Variants in PRMT8 observed in about 807,000 individuals in gnomAD.
The protein encoded by PRMT8 is protein arginine methyltransferase 8, also known as protein arginine N-methyltransferase 8.
In PRMT8, 7 loss-of-function variants were observed where a neutral mutation model predicts 47.1. The observed-to-expected ratio is 0.15, with a 90% CI of 0.08 to 0.28. The LOEUF is 0.28. PRMT8 is among the 10% of genes least tolerant of loss of function. The pLI, the probability that PRMT8 is intolerant of heterozygous loss-of-function variation, is 1.00. For missense variants in PRMT8, 237 were observed against 505.4 expected (o/e 0.47, Z 5.09); for synonymous variants, 188 against 186.5 (o/e 1.01, Z -0.07).
intron 1 of PRMT8, among the ~76,000 whole-genome samples, chr12:3,433,638 G>T (rs1452497020): frequency 6.6e-6 from 1 of 151,878 alleles, no homozygotes; most frequent in African/African-American, 2.4e-5. Flanking sequence ...TTTAGATGAA[G>T]TCTCGCTCTG....
rs141309913 is a variant in PRMT8, at chr12:3,544,695, G to A, written c.261+3904G>A. On this transcript the variant is annotated intron_variant, in intron 2 of 9. Coordinates refer to ENST00000382622, the MANE Select transcript of PRMT8 (RefSeq NM_019854.5). Reference sequence around the variant, plus strand: ...ATGAGGCGGTTCTGGCCCTTGTTCCGGCAGGATGTCGTCATGGTGTTCCTT... The same window carrying A: ...ATGAGGCGGTTCTGGCCCTTGTTCCAGCAGGATGTCGTCATGGTGTTCCTT... 5.1e-4 allele frequency among the ~76,000 whole-genome samples: 78 copies of A among 152,260 alleles called. 1 individual carries two copies. Among genetic ancestry groups the A allele is most frequent in the African/African-American group, 1.5e-3 (63 of 41,544 alleles).
intron 2 of PRMT8, among the ~76,000 whole-genome samples, chr12:3,544,755 T>G (rs1255394672): frequency 6.6e-6 from 1 of 152,216 alleles, no homozygotes; most frequent in African/African-American, 2.4e-5. Flanking sequence ...CATACGGATG[T>G]TTCTTTAGTT....
chr12:3,490,114 C>G (rs1438241151), upstream of PRMT8, among the ~76,000 whole-genome samples: 1 of 152,126 alleles, frequency 6.6e-6, no homozygotes, highest in Non-Finnish European at 1.5e-5. Context: ...GGAGGGACCT[C>G]CCCAAACAAG....
rs547964806 is a variant in PRMT8, at chr12:3,496,198, T to C, written c.75+4498T>C. On this transcript the variant is annotated intron_variant, in intron 1 of 9. Transcript: ENST00000382622. ...TTTAGCAAAGAGTCACTTTGGAAAC[T>C]GATATATATATATATATTTTTTTTT... Among the ~76,000 whole-genome samples, 67 of 50,498 alleles carry C rather than the reference T, an allele frequency of 1.3e-3. 1 individual carries two copies. The highest frequency in any genetic ancestry group is 2.1e-3 in the Non-Finnish European group (62 of 29,600). 33.1% of individuals were successfully genotyped at this position (50,498 alleles called of 152,430 possible). A position where few individuals can be genotyped will look rare whatever the true frequency, so the allele number is the denominator to read the frequency against.
chr12:3,467,181 A>G (rs1405383023), intron 1 of PRMT8, among the ~76,000 whole-genome samples: 9 of 131,942 alleles, frequency 6.8e-5, no homozygotes, highest in Non-Finnish European at 9.3e-5. Flanking sequence ...CGGAGCTTGC[A>G]GTGAGCCGAG....
At chr12:3,553,266 G>A (rs936036209) in intron 3 of PRMT8, 3 of 275,066 alleles carry the variant, frequency 1.1e-5, no homozygotes, top group South Asian at 5.3e-5. Flanking sequence ...GGATCATGTC[G>A]AGGGAGGCTC....
At chr12:3,425,721 A>G (rs1864596937) in intron 1 of PRMT8, among the ~76,000 whole-genome samples, 1 of 152,378 alleles carries the variant, frequency 6.6e-6, no homozygotes, top group Non-Finnish European at 1.5e-5. Flanking sequence ...GTGAGTGTCG[A>G]AAGGCGAGCT....
At chr12:3,421,220 C>T (rs1484367499) in intron 1 of PRMT8, among the ~76,000 whole-genome samples, 5 of 152,168 alleles carry the variant, frequency 3.3e-5, no homozygotes, top group Admixed American at 6.5e-5. Context: ...ATTTCTGTGC[C>T]GTGCCTGTCG....
intron 8 of PRMT8, among the ~76,000 whole-genome samples, chr12:3,585,872 T>C (rs926450545): frequency 6.6e-6 from 1 of 151,704 alleles, no homozygotes; most frequent in African/African-American, 2.4e-5. Context: ...CTAGCAATGG[T>C]GAGAGTAGGG....
intron 8 of PRMT8, among the ~76,000 whole-genome samples, chr12:3,590,121 G>C (rs191593575): frequency 6.6e-6 from 1 of 152,298 alleles, no homozygotes; most frequent in African/African-American, 2.4e-5. Context: ...ACCCAGGCAG[G>C]GTCTGAAAGG....
At chr12:3,403,668 C>T (rs747716690) in intron 1 of PRMT8, among the ~76,000 whole-genome samples, 10 of 151,878 alleles carry the variant, frequency 6.6e-5, no homozygotes, top group Non-Finnish European at 1.5e-4. Context: ...CACTTGAGCT[C>T]AGGAGCTTGA....
At chr12:3,395,971 C>T (rs1565397558) in intron 1 of PRMT8, among the ~76,000 whole-genome samples, 1 of 151,252 alleles carries the variant, frequency 6.6e-6, no homozygotes, top group Non-Finnish European at 1.5e-5. Flanking sequence ...ATGTAATGGC[C>T]TTCTTTGTCT....
At chr12:3,415,764 C>T (rs1226806457) in intron 1 of PRMT8, among the ~76,000 whole-genome samples, 1 of 152,224 alleles carries the variant, frequency 6.6e-6, no homozygotes, top group East Asian at 1.9e-4. Flanking sequence ...AAACCCCTCA[C>T]TGTCGTTGTA....
chr12:3,537,917 T>G (rs1866146687), intron 1 of PRMT8, among the ~76,000 whole-genome samples: 1 of 152,178 alleles, frequency 6.6e-6, no homozygotes. Flanking sequence ...TGCTACCACA[T>G]CTATCTTCCT....
rs141516555 is a variant in PRMT8 at position 3,422,604 on chromosome 12, C to T, written c.48+41162C>T. On this transcript the variant is annotated intron_variant, in intron 1 of 9. Transcript: ENST00000452611. Reference sequence around the variant, plus strand: ...ACTGGGGGCTGCATGCACCAGTAATCAGGACGGAACAGAACAGAACAGAAC... The same window carrying T: ...ACTGGGGGCTGCATGCACCAGTAATTAGGACGGAACAGAACAGAACAGAAC... 2.6e-4 allele frequency among the ~76,000 whole-genome samples: 40 copies of T among 152,282 alleles called. No individual in the cohort carries two copies. In the East Asian group the frequency reaches 6.4e-3, roughly 24 times the overall value.
chr12:3,473,364 C>T lies in PRMT8; in HGVS notation c.49-67242C>T, dbSNP rs191646109. ...ATGCAGCTGATCGCTCCACCCAGAA[C>T]GGTCTCCTGTTTCGACTTCCCCAAT... On this transcript the variant is annotated intron_variant, in intron 1 of 9. Transcript: ENST00000452611. Among the ~76,000 whole-genome samples, 296 of 152,278 alleles carry T rather than the reference C, an allele frequency of 1.9e-3. 2 individuals carry two copies. Among genetic ancestry groups the T allele is most frequent in the African/African-American group, 7.0e-3 (290 of 41,562 alleles).
At chr12:3,490,580 TTCTCCCACCCTC>T (rs1865372854), upstream of PRMT8, among the ~76,000 whole-genome samples, 1 of 149,320 alleles carries the variant, frequency 6.7e-6, no homozygotes, top group Admixed American at 6.7e-5. Flanking sequence ...GCATTTGACT[TTCTCCCACCCTC>T]TTTCCCAAGC....
At chr12:3,404,029 C>T (rs942315410) in intron 1 of PRMT8, among the ~76,000 whole-genome samples, 3 of 151,690 alleles carry the variant, frequency 2.0e-5, no homozygotes, top group African/African-American at 7.3e-5. Context: ...ATCAAACAAA[C>T]ATCCATACGT....
intron 1 of PRMT8, among the ~76,000 whole-genome samples, chr12:3,495,063 C>G (rs1361607723): frequency 6.6e-6 from 1 of 152,174 alleles, no homozygotes; most frequent in African/African-American, 2.4e-5. Context: ...GAGAAACCTC[C>G]TCTGTGGCCT....
Sources: allele counts gnomAD v4.1 joint callset (sites outside exome capture counted in the v4.1 genomes callset), GRCh38; gene constraint gnomAD v4.1.1; transcripts MANE v1.5; gene names NCBI Gene and HGNC (gene_info 2026-07-23, HGNC 2026-07-21).